Variants in UBXN2B observed in about 807,000 individuals in gnomAD.
The protein encoded by UBXN2B is UBX domain-containing protein 2B.
UBXN2B carries 19 observed loss-of-function variants against 37.5 expected under a neutral mutation model. The observed-to-expected ratio is 0.51, with a 90% CI of 0.35 to 0.74. The LOEUF (loss-of-function observed/expected upper bound fraction) is 0.74, where lower values mean the gene tolerates loss of function less well. UBXN2B is among the 30% of genes least tolerant of loss of function. The pLI is 0.01. For synonymous variants in UBXN2B, 145 were observed against 143.8 expected (o/e 1.01, Z -0.06); for missense variants, 370 against 393.2 (o/e 0.94, Z 0.50).
At chr8:58,411,578 A>T in intron 1 of UBXN2B, 109 bp downstream of exon 1, 1 of 926,614 alleles carries the variant, frequency 1.1e-6, no homozygotes, top group Non-Finnish European at 1.4e-6. Context: ...CCTTTCCCCG[A>T]CCCCGTCTGG....
Position 58,445,947 on chromosome 8 carries a change from G to T in UBXN2B, c.712G>T (p.Glu238Ter). The change falls in exon 7 of 8, where the codon GAG (glutamate) becomes TAG (stop). Residue 238 changes from glutamate (E) to a stop codon, truncating the protein, a stop_gained. Coordinates refer to ENST00000399598, the MANE Select transcript of UBXN2B (RefSeq NM_001077619.2). LOFTEE classifies it high-confidence loss of function. ...AGTCAGTACACCTTCCTCTCCAGAA[G>T]AGGAGGATAAATCAATACTTAATGC... is the stretch of plus-strand genomic sequence containing the variant. ...EIVSTPSSPE[E>*]EDKSILNAVV... 6.2e-7 allele frequency: 1 copy of T among 1,611,978 alleles called. No individual in the cohort carries two copies. Among genetic ancestry groups the T allele is most frequent in the Non-Finnish European group, 8.5e-7 (1 of 1,179,318 alleles).
chr8:58,434,637 G>T, intron 5 of UBXN2B, 133 bp downstream of exon 5: 1 of 934,750 alleles, frequency 1.1e-6, no homozygotes, highest in South Asian at 2.1e-5. Context: ...GGTTGCTGGG[G>T]GTGTAGGTAT....
chr8:58,417,706 A>G (rs898542971), intron 2 of UBXN2B, among the ~76,000 whole-genome samples: 1 of 152,216 alleles, frequency 6.6e-6, no homozygotes, highest in African/African-American at 2.4e-5. Context: ...CTATTTTATA[A>G]GTTTTCAGTT....
chr8:58,429,739 AATTGG>A (rs1319270986), intron 2 of UBXN2B, among the ~76,000 whole-genome samples: 2 of 152,106 alleles, frequency 1.3e-5, no homozygotes, highest in African/African-American at 4.8e-5. Context: ...GTGAATTTGG[AATTGG>A]ATTGGAGAGT....
chr8:58,417,425 A>T (rs887116152), intron 2 of UBXN2B, among the ~76,000 whole-genome samples: 1 of 152,200 alleles, frequency 6.6e-6, no homozygotes, highest in Admixed American at 6.5e-5. Context: ...CCTCCATTTA[A>T]GAATCTATGA....
At chr8:58,442,773 A>C (rs181841070) in intron 6 of UBXN2B, among the ~76,000 whole-genome samples, 170 of 152,306 alleles carry the variant, frequency 1.1e-3, no homozygotes, top group African/African-American at 3.8e-3. Context: ...GCGAGTAGGC[A>C]TTCTTGGTAG....
At chr8:58,426,752 G>T in intron 2 of UBXN2B, 1 of 648,794 alleles carries the variant, frequency 1.5e-6, no homozygotes, top group Non-Finnish European at 2.9e-6. Flanking sequence ...GCTCGGTCAC[G>T]TTGGGCTGGC....
chr8:58,440,611 G>A (rs769366580), intron 6 of UBXN2B, among the ~76,000 whole-genome samples: 13 of 152,058 alleles, frequency 8.5e-5, no homozygotes, highest in African/African-American at 2.7e-4. Context: ...CCCTCTACTC[G>A]TCCACATATT....
chr8:58,411,417 A>C lies in UBXN2B; in HGVS notation c.32A>C (p.Glu11Ala). Reference protein sequence around the residue: MAEGGGPEPGEQERRSSGPRP... With the variant: MAEGGGPEPGAQERRSSGPRP... Reference sequence around the variant, plus strand: ...GAGGGCGGAGGCCCTGAGCCCGGCGAGCAGGAGAGGAGGTCTTCCGGGCCG... The same window carrying C: ...GAGGGCGGAGGCCCTGAGCCCGGCGCGCAGGAGAGGAGGTCTTCCGGGCCG... Residue 11 changes from glutamate (E) to alanine (A), a missense_variant, in exon 1 of 8, where the codon GAG becomes GCG. Around this residue, in one of 3 missense-constraint regions of UBXN2B, gnomAD observed 197 missense variants for 170.2 expected, o/e 1.16. Coordinates refer to ENST00000399598, the MANE Select transcript of UBXN2B (RefSeq NM_001077619.2). The C allele has an allele frequency of 2.4e-6, 3 of 1,270,708 alleles. No homozygotes were observed. The highest frequency in any genetic ancestry group is 3.0e-6 in the Non-Finnish European group (3 of 1,002,762). 78.7% of individuals were successfully genotyped at this position (1,270,708 alleles called of 1,614,324 possible). A position where few individuals can be genotyped will look rare whatever the true frequency, so the allele number is the denominator to read the frequency against.
At chr8:58,428,221 G>A (rs561082652) in intron 2 of UBXN2B, among the ~76,000 whole-genome samples, 1 of 152,264 alleles carries the variant, frequency 6.6e-6, no homozygotes, top group South Asian at 2.1e-4. Flanking sequence ...CAGATAATAT[G>A]TTTAAGGTTT....
intron 2 of UBXN2B, among the ~76,000 whole-genome samples, chr8:58,418,323 T>G (rs148009005): frequency 6.6e-6 from 1 of 151,988 alleles, no homozygotes; most frequent in Non-Finnish European, 1.5e-5. Context: ...ATATCTCTTA[T>G]AGCTTTTTCT....
rs1808784212 is a variant in UBXN2B at position 58,450,769 on chromosome 8, A to G, written c.*3218A>G. On this transcript the variant is annotated 3_prime_UTR_variant, in exon 8 of 8. Coordinates refer to ENST00000399598, the MANE Select transcript of UBXN2B (RefSeq NM_001077619.2). Reference sequence around the variant, plus strand: ...ACTTGAATATGGTACTAGATTTGGAATTCACCTTTCTCCAGGGTCACTGTT... The same window carrying G: ...ACTTGAATATGGTACTAGATTTGGAGTTCACCTTTCTCCAGGGTCACTGTT... 6.6e-6 allele frequency: 1 copy of G among 152,192 alleles called. No homozygotes were observed. Among genetic ancestry groups the G allele is most frequent in the Non-Finnish European group, 1.5e-5 (1 of 68,042 alleles). 9.4% of individuals were successfully genotyped at this position (152,192 alleles called of 1,614,324 possible).
chr8:58,423,039 T>TA (rs2129603878), intron 2 of UBXN2B, among the ~76,000 whole-genome samples: 1 of 152,278 alleles, frequency 6.6e-6, no homozygotes, highest in East Asian at 1.9e-4. Context: ...ACTTGTTTAG[T>TA]AAGTAGAGGG....
intron 2 of UBXN2B, chr8:58,424,688 G>T (rs182570518): frequency 5.7e-6 from 3 of 521,810 alleles, no homozygotes; most frequent in Non-Finnish European, 5.6e-6. Context: ...AGTACAAGGC[G>T]GGGGGGGGGG....
intron 7 of UBXN2B, 43 bp downstream of exon 7, chr8:58,446,111 A>T (rs762432081): frequency 1.3e-6 from 2 of 1,535,352 alleles, no homozygotes; most frequent in Admixed American, 3.9e-5. Flanking sequence ...TGTTATATAC[A>T]CTGGATTGCT....
rs541169484 is a variant in UBXN2B, at chr8:58,447,875, T to G, written c.*324T>G. The G allele has an allele frequency of 1.1e-5, 2 of 178,460 alleles. No individual in the cohort carries two copies. The highest frequency in any genetic ancestry group is 2.3e-5 in the Non-Finnish European group (2 of 85,820). 11.1% of individuals were successfully genotyped at this position (178,460 alleles called of 1,614,324 possible). A position where few individuals can be genotyped will look rare whatever the true frequency, so the allele number is the denominator to read the frequency against. On this transcript the variant is annotated 3_prime_UTR_variant, in exon 8 of 8. Transcript: ENST00000399598. ...AAAAATGAACAAAACCCCTTTTTGA[T>G]AAATGCATTTGGTAAAATTTGCACT...
At chr8:58,417,734 A>G (rs62512908) in intron 2 of UBXN2B, among the ~76,000 whole-genome samples, 30,722 of 152,208 alleles carry the variant, frequency 0.2, 3,291 homozygotes, top group Middle Eastern at 0.28. Flanking sequence ...AAGCAAGACT[A>G]GTAGAGTAAA....
intron 2 of UBXN2B, among the ~76,000 whole-genome samples, chr8:58,419,944 G>A (rs961956490): frequency 4.6e-5 from 7 of 152,164 alleles, no homozygotes; most frequent in African/African-American, 1.7e-4. Flanking sequence ...TTCTTAATTG[G>A]TTTTGAACAA....
chr8:58,434,362 TATATATA>T (rs1286262626), intron 4 of UBXN2B, 26 bp from the exon 5 acceptor site: 9 of 585,892 alleles, frequency 1.5e-5, no homozygotes, highest in Admixed American at 9.3e-5. Context: ...TATATATATA[TATATATA>T]TTTTTTTTTT....
Sources: allele counts gnomAD v4.1 joint callset (sites outside exome capture counted in the v4.1 genomes callset), GRCh38; gene constraint gnomAD v4.1.1; regional missense constraint gnomAD v4.1.1; transcripts MANE v1.5; gene names NCBI Gene and HGNC (gene_info 2026-07-23, HGNC 2026-07-21).